The following TLN2 variants were observed in gnomAD, a reference collection of about 807,000 sequenced individuals.
The protein encoded by TLN2 is talin 2.
A neutral mutation model predicts 294.7 loss-of-function variants in TLN2; 118 were observed. The ratio of observed to expected loss-of-function variants is 0.40; its 90% confidence interval spans 0.34 to 0.47. TLN2 has a LOEUF of 0.47. Among genes scored for constraint, TLN2 ranks in the 20% least tolerant of loss-of-function variants. TLN2 has a pLI of 0.84. For synonymous variants in TLN2, 1,431 were observed against 1,304.5 expected (o/e 1.10, Z -2.09); for missense variants, 3,083 against 3,282.2 (o/e 0.94, Z 1.48).
intron 11 of TLN2, among the ~76,000 whole-genome samples, chr15:62,677,558 T>A (rs1235898072): frequency 6.6e-6 from 1 of 152,194 alleles, no homozygotes; most frequent in African/African-American, 2.4e-5. Flanking sequence ...GTCACCAGGA[T>A]AATTTGAGAG....
chr15:62,750,560 C>G, intron 34 of TLN2, 69 bp downstream of exon 34: 1 of 1,344,518 alleles, frequency 7.4e-7, no homozygotes. Flanking sequence ...TTTAGACGTG[C>G]CTTCTGTGCA....
intron 1 of TLN2, among the ~76,000 whole-genome samples, chr15:62,464,047 G>A (rs1010018415): frequency 3.9e-5 from 6 of 152,162 alleles, no homozygotes; most frequent in African/African-American, 1.2e-4. Context: ...ACTAGAAATA[G>A]CATTTGACTC....
At chr15:62,679,869 A>G (rs1335059344) in intron 11 of TLN2, among the ~76,000 whole-genome samples, 2 of 152,192 alleles carry the variant, frequency 1.3e-5, no homozygotes, top group Admixed American at 1.3e-4. Context: ...CAATTTTATC[A>G]TATTTATAGA....
intron 22 of TLN2, among the ~76,000 whole-genome samples, chr15:62,715,831 G>A (rs764526792): frequency 1.3e-5 from 2 of 152,028 alleles, no homozygotes; most frequent in Non-Finnish European, 2.9e-5. Flanking sequence ...GTTTTTGAAC[G>A]GCATTCCTGA....
chr15:62,749,776 A>G (rs2061821409), intron 33 of TLN2, among the ~76,000 whole-genome samples: 1 of 152,222 alleles, frequency 6.6e-6, no homozygotes, highest in South Asian at 2.1e-4. Context: ...TTACAATGCC[A>G]TGACAGAGCT....
intron 5 of TLN2, among the ~76,000 whole-genome samples, chr15:62,651,375 C>A (rs1467942348): frequency 6.6e-6 from 1 of 151,858 alleles, no homozygotes; most frequent in Non-Finnish European, 1.5e-5. Flanking sequence ...TTGAAGGTGA[C>A]TCTAGGTGAC....
chr15:62,823,931 G>C (rs1479126872), intron 54 of TLN2: 1 of 524,920 alleles, frequency 1.9e-6, no homozygotes, highest in South Asian at 1.4e-5. Context: ...CTAGTCTCGA[G>C]CTCAGTCAAA....
chr15:62,437,272 T>C (rs1053947346), intron 1 of TLN2, among the ~76,000 whole-genome samples: 4 of 152,218 alleles, frequency 2.6e-5, no homozygotes, highest in African/African-American at 9.6e-5. Context: ...CATTCATCAA[T>C]AGCAGTGTAT....
At chr15:62,741,453 T>G (rs2061314927) in intron 32 of TLN2, among the ~76,000 whole-genome samples, 1 of 152,188 alleles carries the variant, frequency 6.6e-6, no homozygotes, top group Admixed American at 6.5e-5. Context: ...ATGTGGTATG[T>G]GGAGCACTGC....
At chr15:62,556,813 A>G (rs1259675848) in intron 1 of TLN2, among the ~76,000 whole-genome samples, 1 of 152,196 alleles carries the variant, frequency 6.6e-6, no homozygotes. Flanking sequence ...CCTGATTTTA[A>G]TGGGGCACTA....
At chr15:62,767,013 G>T (rs980047937) in intron 41 of TLN2, among the ~76,000 whole-genome samples, 2 of 152,144 alleles carry the variant, frequency 1.3e-5, no homozygotes, top group Non-Finnish European at 2.9e-5. Context: ...CTTCAAGGAC[G>T]GTTGGCTTGT....
chr15:62,632,347 CT>C lies in TLN2; in HGVS notation c.-37+13873del, dbSNP rs571452597. ...TGGAGCCCTTCAGGAACCTCAAGGA[CT>C]CCTAACGACCTGAACCCTTAGAGGT... On this transcript the variant is annotated intron_variant, in intron 3 of 58. Transcript: ENST00000636159. Among the ~76,000 whole-genome samples the C allele has an allele frequency of 1.3e-3, 200 of 152,322 alleles. 1 individual carries two copies. Among genetic ancestry groups the C allele is most frequent in the African/African-American group, 4.6e-3 (192 of 41,578 alleles).
intron 1 of TLN2, chr15:62,561,290 C>T (rs965929118): frequency 3.3e-5 from 5 of 152,202 alleles, no homozygotes; most frequent in Non-Finnish European, 5.9e-5. Flanking sequence ...GGTCTGATTA[C>T]ACAAATTATA....
At chr15:62,421,782 A>G (rs1476530389) in intron 1 of TLN2, among the ~76,000 whole-genome samples, 1 of 152,154 alleles carries the variant, frequency 6.6e-6, no homozygotes, top group Non-Finnish European at 1.5e-5. Flanking sequence ...GTTTACCTGT[A>G]TAACAAATTT....
intron 2 of TLN2, among the ~76,000 whole-genome samples, chr15:62,614,736 T>C (rs969474282): frequency 1.3e-5 from 2 of 152,224 alleles, no homozygotes; most frequent in African/African-American, 2.4e-5. Flanking sequence ...CTAAAAAATA[T>C]GTATGTCTTC....
intron 1 of TLN2, among the ~76,000 whole-genome samples, chr15:62,456,700 G>A (rs1013102665): frequency 6.8e-6 from 1 of 148,146 alleles, no homozygotes; most frequent in Non-Finnish European, 1.5e-5. Context: ...GGTTGGGAAT[G>A]AGGGCTTGTC....
intron 33 of TLN2, among the ~76,000 whole-genome samples, chr15:62,749,872 G>A (rs138499435): frequency 4.3e-4 from 65 of 152,260 alleles, no homozygotes; most frequent in African/African-American, 1.4e-3. Context: ...AACAAGAAAC[G>A]TTTTCTATAC....
chr15:62,763,961 T>G (rs2062834712), intron 40 of TLN2, among the ~76,000 whole-genome samples: 1 of 152,156 alleles, frequency 6.6e-6, no homozygotes, highest in Non-Finnish European at 1.5e-5. Flanking sequence ...AGGGAAAATA[T>G]CAATATCAAG....
intron 1 of TLN2, among the ~76,000 whole-genome samples, chr15:62,467,228 A>C (rs1003932147): frequency 6.6e-6 from 1 of 152,206 alleles, no homozygotes; most frequent in East Asian, 1.9e-4. Context: ...CAGGTCACCA[A>C]ACATAATTGA....
Sources: allele counts gnomAD v4.1 joint callset (sites outside exome capture counted in the v4.1 genomes callset), GRCh38; gene constraint gnomAD v4.1.1; transcripts MANE v1.5; gene names NCBI Gene and HGNC (gene_info 2026-07-23, HGNC 2026-07-21).